Variants in GSE1 observed in about 807,000 individuals in gnomAD.
The protein encoded by GSE1 is Gse1 coiled-coil protein.
GSE1 carries 32 observed loss-of-function variants against 112.6 expected under a neutral mutation model. The observed-to-expected ratio is 0.28, with a 90% CI of 0.21 to 0.38. The LOEUF is 0.38. Among genes scored for constraint, GSE1 ranks in the 10% least tolerant of loss-of-function variants. The probability of loss-of-function intolerance (pLI) is 1.00; values close to 1 mark genes in which losing one functional copy is unlikely to be tolerated. For missense variants in GSE1, 2,348 were observed against 1,699.2 expected, an observed-to-expected ratio of 1.38 and a Z score of -6.71; for synonymous variants, 1,115 against 735.6, an observed-to-expected ratio of 1.52 and a Z score of -8.35.
chr16:85,382,265 T>A (rs1018963875), intron 2 of GSE1, among the ~76,000 whole-genome samples: 1 of 152,154 alleles, frequency 6.6e-6, no homozygotes, highest in African/African-American at 2.4e-5. Context: ...CTTATCTCAG[T>A]GTCTGGGCTC....
chr16:85,274,157 G>C (rs921400877), intron 1 of GSE1, among the ~76,000 whole-genome samples: 2 of 151,612 alleles, frequency 1.3e-5, no homozygotes, highest in Admixed American at 1.3e-4. Flanking sequence ...AGGCTGAAGC[G>C]GCTGGATCAC....
At chr16:85,548,806 T>C (rs137966011) in intron 2 of GSE1, among the ~76,000 whole-genome samples, 2 of 152,242 alleles carry the variant, frequency 1.3e-5, no homozygotes, top group African/African-American at 4.8e-5. Flanking sequence ...TCTTTTTTTG[T>C]TGGAGACGGA....
intron 2 of GSE1, among the ~76,000 whole-genome samples, chr16:85,637,298 G>C (rs1228823275): frequency 6.6e-6 from 1 of 152,216 alleles, no homozygotes; most frequent in Non-Finnish European, 1.5e-5. Context: ...GACATCTCCT[G>C]GTCCTTGTGG....
chr16:85,625,678 C>T (rs2049020726), intron 1 of GSE1, among the ~76,000 whole-genome samples: 1 of 152,222 alleles, frequency 6.6e-6, no homozygotes, highest in African/African-American at 2.4e-5. Context: ...TGGCCAGCCC[C>T]CTCCCCGTCA....
intron 14 of GSE1, among the ~76,000 whole-genome samples, chr16:85,669,120 C>T (rs2053122025): frequency 6.6e-6 from 1 of 152,274 alleles, no homozygotes; most frequent in Non-Finnish European, 1.5e-5. Context: ...TGCACACCAC[C>T]TTCTGCCTCT....
At chr16:85,671,461 C>CAAAAAAAAA (rs1193691794) in intron 15 of GSE1, among the ~76,000 whole-genome samples, 3 of 76,402 alleles carry the variant, frequency 3.9e-5, no homozygotes, top group African/African-American at 9.1e-5. Context: ...AAAAAAAGAT[C>CAAAAAAAAA]AAAATTTGGA....
At chr16:85,444,071 G>A (rs984052080) in intron 2 of GSE1, among the ~76,000 whole-genome samples, 5 of 130,924 alleles carry the variant, frequency 3.8e-5, no homozygotes, top group South Asian at 5.2e-4. Flanking sequence ...TGCGACCTCC[G>A]CCTCCCGGGT....
intron 1 of GSE1, among the ~76,000 whole-genome samples, chr16:85,310,953 C>A (rs1172654715): frequency 6.6e-6 from 1 of 152,210 alleles, no homozygotes; most frequent in Non-Finnish European, 1.5e-5. Flanking sequence ...ACAGCAGGGC[C>A]CCCCGCCGCT....
chr16:85,420,948 T>G (rs1009902928), intron 2 of GSE1, among the ~76,000 whole-genome samples: 5 of 152,128 alleles, frequency 3.3e-5, no homozygotes, highest in Non-Finnish European at 7.4e-5. Flanking sequence ...GGGGGCGCGC[T>G]GCAGTCGGGC....
intron 2 of GSE1, among the ~76,000 whole-genome samples, chr16:85,634,741 C>G (rs953559579): frequency 1.3e-5 from 2 of 152,222 alleles, no homozygotes; most frequent in African/African-American, 4.8e-5. Flanking sequence ...GTTGCTGATC[C>G]TCTGAGCCTC....
At chr16:85,521,678 G>A (rs138466084) in intron 2 of GSE1, among the ~76,000 whole-genome samples, 131 of 152,350 alleles carry the variant, frequency 8.6e-4, no homozygotes, top group Non-Finnish European at 1.7e-3. Context: ...TCTGAGTAGC[G>A]GCTAAGGGGT....
intron 2 of GSE1, among the ~76,000 whole-genome samples, chr16:85,421,944 G>A (rs143768950): frequency 1.3e-5 from 2 of 152,246 alleles, no homozygotes; most frequent in Non-Finnish European, 2.9e-5. Context: ...AAGGGATCCC[G>A]TTCAGCCCCA....
chr16:85,332,630 G>A (rs1438525519), intron 1 of GSE1, among the ~76,000 whole-genome samples: 3 of 152,164 alleles, frequency 2.0e-5, no homozygotes, highest in Non-Finnish European at 1.5e-5. Context: ...GACCCTGCAG[G>A]ACTCTCCTTC....
At chr16:85,449,795 A>G (rs1256555363) in intron 2 of GSE1, among the ~76,000 whole-genome samples, 2 of 152,220 alleles carry the variant, frequency 1.3e-5, no homozygotes, top group African/African-American at 4.8e-5. Flanking sequence ...TGTCTCCTGC[A>G]AAATAGAAGG....
intron 2 of GSE1, among the ~76,000 whole-genome samples, chr16:85,634,530 C>CA (rs2049824150): frequency 6.6e-6 from 1 of 152,208 alleles, no homozygotes; most frequent in Non-Finnish European, 1.5e-5. Flanking sequence ...CAGGTTTTGA[C>CA]ACTCCCTCCA....
intron 2 of GSE1, among the ~76,000 whole-genome samples, chr16:85,548,227 C>CAAAAAAAAAAAAAAAA (rs1241025677): frequency 1.4e-5 from 1 of 70,110 alleles, no homozygotes; most frequent in Non-Finnish European, 3.0e-5. Flanking sequence ...GACTCTTTCT[C>CAAAAAAAAAAAAAAAA]AAAAAAAAAA....
intron 2 of GSE1, among the ~76,000 whole-genome samples, chr16:85,511,569 G>C (rs1246464885): frequency 6.6e-6 from 1 of 151,768 alleles, no homozygotes; most frequent in Non-Finnish European, 1.5e-5. Context: ...ATGATGCCCA[G>C]GTCCTGATGC....
chr16:85,531,771 G>A (rs1337294954), intron 2 of GSE1, among the ~76,000 whole-genome samples: 1 of 152,242 alleles, frequency 6.6e-6, no homozygotes, highest in Non-Finnish European at 1.5e-5. Flanking sequence ...CGGGTCCTGA[G>A]ACAATGGGCT....
At chr16:85,494,687 A>T (rs2051113957) in intron 2 of GSE1, among the ~76,000 whole-genome samples, 1 of 152,150 alleles carries the variant, frequency 6.6e-6, no homozygotes, top group Non-Finnish European at 1.5e-5. Context: ...TGCAGGTATG[A>T]GCAACTACAC....
Sources: gnomAD v4.1 joint callset for allele counts (sites outside exome capture counted in the v4.1 genomes callset) on GRCh38, gnomAD v4.1.1 for gene constraint, MANE v1.5 for transcripts, NCBI Gene and HGNC (gene_info 2026-07-23, HGNC 2026-07-21) for gene names.